The following ANKRD27 variants were observed in gnomAD, a reference collection of about 807,000 sequenced individuals.
ANKRD27 encodes the protein ankyrin repeat domain 27, also known as ankyrin repeat domain-containing protein 27.
Under a neutral mutation model 129.7 loss-of-function variants are expected in ANKRD27, and 112 were observed. The ratio of observed to expected loss-of-function variants is 0.86; its 90% CI spans 0.74 to 1.01. ANKRD27 has a LOEUF of 1.01. ANKRD27 is among the 50% of genes least tolerant of loss of function. The pLI, the probability that ANKRD27 is intolerant of heterozygous loss-of-function variation, is 0.00. For synonymous variants in ANKRD27, 516 were observed against 511.2 expected, an observed-to-expected ratio of 1.01 and a Z score of -0.13; for missense variants, 1,258 against 1,300.5, an observed-to-expected ratio of 0.97 and a Z score of 0.50.
intron 17 of ANKRD27, among the ~76,000 whole-genome samples, chr19:32,625,596 A>G (rs1268709111): frequency 6.6e-6 from 1 of 151,852 alleles, no homozygotes; most frequent in Non-Finnish European, 1.5e-5. Context: ...ACGCCCTGCT[A>G]ATTTTTGTAT....
rs766979310 is a variant in ANKRD27, at chr19:32,600,073, C to A, written c.2768-23G>T. 5.9e-6 allele frequency: 9 copies of A among 1,513,912 alleles called. No homozygotes were observed. In the East Asian group the frequency reaches 1.8e-4, roughly 31 times the overall value. 93.8% of individuals were successfully genotyped at this position (1,513,912 alleles called of 1,614,324 possible). ...TCCCTGTAGATAAAAAGATAAACATCTAAAAACTTCAAAAACAGTTGTAAA... is the reference window on the plus strand; with the variant it reads ...TCCCTGTAGATAAAAAGATAAACATATAAAAACTTCAAAAACAGTTGTAAA... On this transcript the variant is annotated intron_variant, in intron 26 of 28. Transcript: ENST00000306065.
At chr19:32,651,226 C>T (rs1967409944) in intron 2 of ANKRD27, among the ~76,000 whole-genome samples, 2 of 152,126 alleles carry the variant, frequency 1.3e-5, no homozygotes, top group Admixed American at 6.6e-5. Flanking sequence ...GGGCCACAGG[C>T]AATGGGATCT....
Position 32,626,778 on chromosome 19 carries a change from A to G in ANKRD27, c.1470T>C (p.Asn490=), listed in dbSNP as rs1966891602. The G allele has an allele frequency of 6.2e-7, 1 of 1,612,720 alleles. No individual in the cohort carries two copies. Among genetic ancestry groups the G allele is most frequent in the African/African-American group, 1.3e-5 (1 of 75,022 alleles). Reference sequence around the variant, plus strand: ...GAGTGGCTCCATGGTAGTCTGTGGCATTTACCATGGCGCCCTTGGAAACCA... The same window carrying G: ...GAGTGGCTCCATGGTAGTCTGTGGCGTTTACCATGGCGCCCTTGGAAACCA... ...DLLVSKGAMV[N]ATDYHGATPL... is the part of the protein sequence containing the mutation. Residue 490 remains asparagine (N), a synonymous_variant, in exon 16 of 29, where the codon AAT becomes AAC. Transcript: ENST00000306065.
chr19:32,648,968 GTTT>G (rs67248583), intron 3 of ANKRD27, among the ~76,000 whole-genome samples: 13 of 126,350 alleles, frequency 1.0e-4, no homozygotes, highest in Non-Finnish European at 1.4e-4. Flanking sequence ...TTTTGGGTTT[GTTT>G]TTTTTTTTTT....
At position 32,643,179 on chromosome 19, in the gene ANKRD27, G is replaced by C. The variant is rs1013490060; in HGVS notation, c.726C>G (p.Ile242Met). ...GCTGAAGATCTTGAAGGCTTCTTGTGATTTTGTTAAAGGCCGCATCCTAAC... is the reference window on the plus strand; with the variant it reads ...GCTGAAGATCTTGAAGGCTTCTTGTCATTTTGTTAAAGGCCGCATCCTAAC... ...EASEDAAFNK[I>M]TRSLQDLQQK... is the part of the protein sequence containing the mutation. Residue 242 changes from isoleucine to methionine, a missense_variant, in exon 9 of 29, where the codon ATC becomes ATG. Physicochemically the swap from Ile to Met is conservative, Grantham distance 10 (BLOSUM62 1). Transcript: ENST00000306065. 3 of 1,613,932 alleles carry C rather than the reference G, an allele frequency of 1.9e-6. No individual in the cohort carries two copies. The highest frequency in any genetic ancestry group is 2.5e-6 in the Non-Finnish European group (3 of 1,180,040).
chr19:32,625,314 A>G (rs1972072352), intron 17 of ANKRD27, among the ~76,000 whole-genome samples: 1 of 152,184 alleles, frequency 6.6e-6, no homozygotes, highest in Admixed American at 6.6e-5. Flanking sequence ...ATATGTACAC[A>G]AGTAAGAACC....
At chr19:32,649,581 T>C in intron 3 of ANKRD27, 101 bp downstream of exon 3, 1 of 829,986 alleles carries the variant, frequency 1.2e-6, no homozygotes, top group Non-Finnish European at 2.1e-6. Context: ...AATGCCACCA[T>C]TGCCAGTAGC....
chr19:32,625,683 C>G (rs1446282851), intron 17 of ANKRD27, among the ~76,000 whole-genome samples, 191 bp downstream of exon 17: 2 of 152,206 alleles, frequency 1.3e-5, no homozygotes, highest in African/African-American at 4.8e-5. Context: ...CTGCCCACCT[C>G]AGCCTCCCAA....
In ANKRD27 at chr19:32,652,900, T is replaced by C. The variant is rs550949947; in HGVS notation, c.103-3108A>G. On this transcript the variant is annotated intron_variant, in intron 2 of 28. Transcript: ENST00000306065. ...CCAAGATCACGCCACTATACTCCAG[T>C]GGGAGTGACAGATCAAGACCCCATT... Among the ~76,000 whole-genome samples the C allele has an allele frequency of 6.6e-5, 10 of 152,154 alleles. 1 individual carries two copies. Among genetic ancestry groups the C allele is most frequent in the African/African-American group, 2.4e-4 (10 of 41,482 alleles).
chr19:32,659,139 C>T (rs11486502), intron 1 of ANKRD27, 94 bp from the exon 2 acceptor site: 24,634 of 152,912 alleles, frequency 0.16, 3,219 homozygotes, highest in Middle Eastern at 0.45. Context: ...TTTTCTTTTT[C>T]TTTTTTTTTT....
intron 22 of ANKRD27, among the ~76,000 whole-genome samples, chr19:32,613,858 G>A (rs889860788): frequency 2.0e-5 from 3 of 151,914 alleles, no homozygotes; most frequent in South Asian, 2.1e-4. Flanking sequence ...AGAAGCGCCC[G>A]CCACCACGCC....
rs377667999 is a variant in ANKRD27, at chr19:32,640,356, G to T, written c.934C>A (p.Leu312Met). 6.2e-7 allele frequency: 1 copy of T among 1,613,858 alleles called. No individual in the cohort carries two copies. The highest frequency in any genetic ancestry group is 8.5e-7 in the Non-Finnish European group (1 of 1,179,882). The change falls in exon 11 of 29, where the codon CTG (leucine) becomes ATG (methionine). Residue 312 changes from leucine to methionine, a missense_variant. Physicochemically the swap from Leu to Met is conservative, Grantham distance 15. Transcript: ENST00000306065. ...AGCAAGTATAACAGGACTGATAGCA[G>T]ATCATCAGCACACATGGTCTCCAGG... ...VNLETMCADD[L>M]LSVLLYLLVK...
chr19:32,672,658 G>A (rs1360207421), intron 1 of ANKRD27: 1 of 152,422 alleles, frequency 6.6e-6, no homozygotes, highest in Non-Finnish European at 1.5e-5. Flanking sequence ...CAGGGCTAGA[G>A]AGAAGCCAGG....
chr19:32,599,173 T>G (rs1168172286), intron 28 of ANKRD27, among the ~76,000 whole-genome samples: 1 of 152,116 alleles, frequency 6.6e-6, no homozygotes, highest in African/African-American at 2.4e-5. Context: ...TCCCAGCTAC[T>G]CAGGAGGCTG....
intron 17 of ANKRD27, among the ~76,000 whole-genome samples, chr19:32,625,171 G>A (rs1037754506): frequency 4.6e-5 from 7 of 152,178 alleles, no homozygotes; most frequent in South Asian, 4.2e-4. Flanking sequence ...TGGGAGAATC[G>A]CTTGAACCTG....
In ANKRD27 at chr19:32,597,537, A is replaced by G. The variant is rs1043833055; in HGVS notation, c.*608T>C. On this transcript the variant is annotated 3_prime_UTR_variant, in exon 29 of 29. Transcript: ENST00000306065. ...AGGAAAATGATAACCACCCTTTCCC[A>G]TGTGCATGATGTGGAACAGGTCTGA... 2 of 153,784 alleles carry G rather than the reference A, an allele frequency of 1.3e-5. No individual in the cohort carries two copies. Among genetic ancestry groups the G allele is most frequent in the African/African-American group, 4.8e-5 (2 of 41,462 alleles). 9.5% of individuals were successfully genotyped at this position (153,784 alleles called of 1,614,324 possible).
chr19:32,634,808 G>C (rs992690899), intron 12 of ANKRD27, among the ~76,000 whole-genome samples: 6 of 152,110 alleles, frequency 3.9e-5, no homozygotes, highest in Non-Finnish European at 8.8e-5. Flanking sequence ...CCAGGTACTT[G>C]GGAGGCTGAG....
chr19:32,668,135 A>G (rs7251263), intron 1 of ANKRD27, among the ~76,000 whole-genome samples: 15,522 of 152,070 alleles, frequency 0.1, 2,516 homozygotes, highest in African/African-American at 0.34. Flanking sequence ...ACTTCTATAC[A>G]TCCTCATCTT....
At chr19:32,653,559 G>A (rs528517393) in intron 2 of ANKRD27, among the ~76,000 whole-genome samples, 16 of 152,218 alleles carry the variant, frequency 1.1e-4, no homozygotes, top group Admixed American at 9.2e-4. Context: ...AAGCAGTGGG[G>A]TTGTCACAGG....
Sources: allele counts gnomAD v4.1 joint callset (sites outside exome capture counted in the v4.1 genomes callset), GRCh38; gene constraint gnomAD v4.1.1; transcripts MANE v1.5; gene names NCBI Gene and HGNC (gene_info 2026-07-23, HGNC 2026-07-21).